Variants in PPFIBP2 observed in about 807,000 individuals in gnomAD.
The protein encoded by PPFIBP2 is PPFIB scaffold protein 2.
A neutral mutation model predicts 118.3 loss-of-function variants in PPFIBP2; 118 were observed. The observed-to-expected ratio is 1.00, with a 90% CI of 0.86 to 1.16. The LOEUF (loss-of-function observed/expected upper bound fraction) is 1.16, where lower values mean the gene tolerates loss of function less well. Among genes scored for constraint, PPFIBP2 ranks in the 50% most tolerant of loss-of-function variants. PPFIBP2 has a pLI of 0.00. For synonymous variants in PPFIBP2, 414 were observed against 397.4 expected (o/e 1.04, Z -0.50); for missense variants, 1,195 against 1,073.1 (o/e 1.11, Z -1.59).
At chr11:7,570,072 C>T (rs1169020447) in intron 3 of PPFIBP2, among the ~76,000 whole-genome samples, 1 of 152,098 alleles carries the variant, frequency 6.6e-6, no homozygotes, top group African/African-American at 2.4e-5. Flanking sequence ...TGACCACTTC[C>T]AGGATTTTGG....
chr11:7,582,393 C>T (rs944071977), intron 3 of PPFIBP2, among the ~76,000 whole-genome samples: 1 of 152,188 alleles, frequency 6.6e-6, no homozygotes, highest in South Asian at 2.1e-4. Flanking sequence ...CATTATGTTT[C>T]CTGGTATAAT....
Position 7,597,612 on chromosome 11 carries a change from T to TGG in PPFIBP2, c.426_427dup (p.Glu143GlyfsTer10). On this transcript the variant is annotated frameshift_variant, in exon 5 of 24. Transcript: ENST00000299492. LOFTEE classifies it high-confidence loss of function. The stretch of plus-strand genomic sequence containing the variant: ...GCCCAGGGAGAAAAGATTCGAGACC[T>TGG]GGAAGTGTGTCTGGAAGGACACCAG... 1 of 1,614,068 alleles carries TGG rather than the reference T, an allele frequency of 6.2e-7. No homozygotes were observed. The highest frequency in any genetic ancestry group is 8.5e-7 in the Non-Finnish European group (1 of 1,180,014).
At chr11:7,551,649 T>C (rs534455722) in intron 2 of PPFIBP2, among the ~76,000 whole-genome samples, 31 of 152,356 alleles carry the variant, frequency 2.0e-4, no homozygotes, top group Non-Finnish European at 4.3e-4. Context: ...GGGATTTTGA[T>C]TGCAATTGCA....
intron 2 of PPFIBP2, among the ~76,000 whole-genome samples, chr11:7,561,984 A>G (rs561542794): frequency 1.3e-5 from 2 of 152,338 alleles, no homozygotes; most frequent in South Asian, 2.1e-4. Context: ...GTCGGGGGAA[A>G]GTTTCAGGAT....
intron 14 of PPFIBP2, among the ~76,000 whole-genome samples, chr11:7,636,512 G>A (rs1391602302): frequency 6.6e-6 from 1 of 152,084 alleles, no homozygotes; most frequent in East Asian, 1.9e-4. Context: ...TGGGGTTGGT[G>A]TGGTCCCTTT....
At chr11:7,665,737 G>T in the PPFIBP2 span, 1 of 1,251,072 alleles carries the variant, frequency 8.0e-7, no homozygotes, top group Non-Finnish European at 1.1e-6. Flanking sequence ...AATCACCCCA[G>T]GTCCCAGGCT....
At chr11:7,628,471 CAGGAG>C in intron 9 of PPFIBP2, 125 bp downstream of exon 9, 16 of 901,060 alleles carry the variant, frequency 1.8e-5, no homozygotes, top group Non-Finnish European at 2.5e-5. Flanking sequence ...AGGGATATGT[CAGGAG>C]AATGACTTGT....
intron 1 of PPFIBP2, among the ~76,000 whole-genome samples, chr11:7,526,287 G>A (rs1850219127): frequency 6.6e-6 from 1 of 152,182 alleles, no homozygotes; most frequent in African/African-American, 2.4e-5. Flanking sequence ...GGAAGAAAAG[G>A]CTCTCTGGGG....
chr11:7,593,289 G>C, intron 4 of PPFIBP2, 65 bp downstream of exon 4: 2 of 1,567,776 alleles, frequency 1.3e-6, no homozygotes, highest in East Asian at 4.5e-5. Flanking sequence ...TCCCCTAAGT[G>C]GAAGGGAAGC....
chr11:7,585,350 G>A (rs569393702), intron 3 of PPFIBP2, among the ~76,000 whole-genome samples: 1 of 152,314 alleles, frequency 6.6e-6, no homozygotes, highest in South Asian at 2.1e-4. Flanking sequence ...CTGGGGAGCC[G>A]ACTGTTTTAG....
chr11:7,528,572 G>T lies in PPFIBP2; in HGVS notation c.-37+14451G>T, dbSNP rs1216431508. 2.6e-5 allele frequency among the ~76,000 whole-genome samples: 4 copies of T among 152,208 alleles called. No individual in the cohort carries two copies. The East Asian group carries it at 7.7e-4, about 29-fold the overall frequency. On this transcript the variant is annotated intron_variant, in intron 1 of 23. Coordinates refer to ENST00000299492, the MANE Select transcript of PPFIBP2 (RefSeq NM_003621.5). Reference sequence around the variant, plus strand: ...GTCAGCCCTAAGAGATGTTTAGCAAGAGTGGTACTCCAAGAGGTTTGGAAG... The same window carrying T: ...GTCAGCCCTAAGAGATGTTTAGCAATAGTGGTACTCCAAGAGGTTTGGAAG...
intron 1 of PPFIBP2, among the ~76,000 whole-genome samples, chr11:7,527,407 C>T (rs572895526): frequency 1.7e-4 from 26 of 152,030 alleles, no homozygotes; most frequent in African/African-American, 5.8e-4. Flanking sequence ...GGGAAACCTA[C>T]CCTTTAGCAG....
At chr11:7,549,850 T>C (rs897043795) in intron 2 of PPFIBP2, among the ~76,000 whole-genome samples, 3 of 152,120 alleles carry the variant, frequency 2.0e-5, no homozygotes, top group African/African-American at 7.2e-5. Flanking sequence ...AATGTAAAAT[T>C]TTCAGAGCTT....
rs1848613664 is a variant in PPFIBP2 at position 7,616,135 on chromosome 11, C to G, written c.619-4800C>G. Among the ~76,000 whole-genome samples the G allele has an allele frequency of 6.6e-6, 1 of 152,156 alleles. No homozygotes were observed. Among genetic ancestry groups the G allele is most frequent in the African/African-American group, 2.4e-5 (1 of 41,430 alleles). ...GCTGAGGACAACACAAAGCCATACA[C>G]ACACATACACACGCACACACAAACA... is the stretch of plus-strand genomic sequence containing the variant. On this transcript the variant is annotated intron_variant, in intron 6 of 23. Transcript: ENST00000299492. The surrounding 1 kb of genome is among the most constrained non-coding windows in gnomAD (Gnocchi z 5.2).
chr11:7,609,290 G>A (rs1425629735), intron 5 of PPFIBP2, among the ~76,000 whole-genome samples: 1 of 152,206 alleles, frequency 6.6e-6, no homozygotes, highest in African/African-American at 2.4e-5. Flanking sequence ...GACCATGGCA[G>A]GATATCGTAT....
intron 13 of PPFIBP2, 48 bp from the exon 14 acceptor site, chr11:7,635,504 C>G: frequency 1.3e-6 from 2 of 1,549,004 alleles, no homozygotes; most frequent in Non-Finnish European, 1.8e-6. Context: ...GTGAATAACA[C>G]AAGTCTCTTT....
chr11:7,607,648 G>A (rs1347632395), intron 5 of PPFIBP2, among the ~76,000 whole-genome samples: 2 of 151,676 alleles, frequency 1.3e-5, no homozygotes, highest in African/African-American at 4.8e-5. Flanking sequence ...TCTCTTGGGG[G>A]ATTTTTTTTT....
chr11:7,571,041 G>A (rs572735997), intron 3 of PPFIBP2, among the ~76,000 whole-genome samples: 1 of 152,300 alleles, frequency 6.6e-6, no homozygotes, highest in African/African-American at 2.4e-5. Flanking sequence ...GTTAGAGCTT[G>A]ATGGAGGCCC....
At chr11:7,631,645 A>G (rs1850772208) in intron 11 of PPFIBP2, among the ~76,000 whole-genome samples, 2 of 152,296 alleles carry the variant, frequency 1.3e-5, no homozygotes, top group South Asian at 4.1e-4. Context: ...GCTTCAGCCT[A>G]GGGTCCAAAA....
Sources: gnomAD v4.1 joint callset for allele counts (sites outside exome capture counted in the v4.1 genomes callset) on GRCh38, gnomAD v4.1.1 for gene constraint, Gnocchi (gnomAD v3.1) non-coding constraint, MANE v1.5 for transcripts, NCBI Gene and HGNC (gene_info 2026-07-23, HGNC 2026-07-21) for gene names.